SIK2: variants seen among roughly 807,000 people sequenced by gnomAD.
The protein encoded by SIK2 is salt inducible kinase 2, also known as serine/threonine-protein kinase SIK2.
In SIK2, 29 loss-of-function variants were observed where a neutral mutation model predicts 103.2. That is an observed-to-expected ratio of 0.28 (90% CI 0.21 to 0.38). SIK2 has a LOEUF of 0.38. Among genes scored for constraint, SIK2 ranks in the 10% least tolerant of loss-of-function variants. The probability of loss-of-function intolerance (pLI) is 1.00; values close to 1 mark genes in which losing one functional copy is unlikely to be tolerated. For missense variants in SIK2, 879 were observed against 1,171.0 expected (o/e 0.75, Z 3.64); for synonymous variants, 412 against 446.1 (o/e 0.92, Z 0.96).
intron 3 of SIK2, among the ~76,000 whole-genome samples, chr11:111,634,945 A>G (rs1565321591): frequency 6.6e-6 from 1 of 152,242 alleles, no homozygotes; most frequent in Admixed American, 6.5e-5. Context: ...TGTTGAATGC[A>G]TGCAGATGAA....
chr11:111,672,293 A>C, intron 3 of SIK2: 1 of 409,882 alleles, frequency 2.4e-6, no homozygotes, highest in Non-Finnish European at 4.4e-6. Context: ...CACCAGGAGA[A>C]GCTCAAGGAG....
At chr11:111,661,564 T>C (rs1333126789) in intron 3 of SIK2, among the ~76,000 whole-genome samples, 2 of 152,258 alleles carry the variant, frequency 1.3e-5, no homozygotes, top group Admixed American at 1.3e-4. Flanking sequence ...TTCTTCTGGG[T>C]ATTTACACTG....
At chr11:111,610,486 T>TAAAA (rs373176733) in intron 1 of SIK2, among the ~76,000 whole-genome samples, 4 of 108,530 alleles carry the variant, frequency 3.7e-5, no homozygotes, top group African/African-American at 1.0e-4. Context: ...AGACTCTGTC[T>TAAAA]AAAAAAAAAA....
rs758453745 is a variant in SIK2 at position 111,723,814 on chromosome 11, G to A, written c.2466G>A (p.Gln822=). The A allele has an allele frequency of 1.1e-5, 18 of 1,612,550 alleles. No individual in the cohort carries two copies. The highest frequency in any genetic ancestry group is 1.5e-5 in the Non-Finnish European group (18 of 1,179,832). The change falls in exon 15 of 15, where the codon CAG becomes CAA. Residue 822 remains glutamine (Q), a synonymous_variant. Transcript: ENST00000304987. ...PPLPTQLQQQ[Q]PPPPPPPPPP... ...TGCCCACGCAGCTACAGCAGCAGCA[G>A]CCGCCACCGCCACCACCCCCTCCAC...
At chr11:111,681,259 T>G (rs1048241213) in intron 3 of SIK2, among the ~76,000 whole-genome samples, 4 of 152,198 alleles carry the variant, frequency 2.6e-5, no homozygotes, top group African/African-American at 9.6e-5. Context: ...TATGTGCATG[T>G]GTATCTATGT....
intron 9 of SIK2, among the ~76,000 whole-genome samples, chr11:111,713,397 T>C (rs1345995372): frequency 6.6e-6 from 1 of 152,156 alleles, no homozygotes; most frequent in Non-Finnish European, 1.5e-5. Flanking sequence ...AGTGTGAACT[T>C]GGGCCACGTA....
Position 111,672,707 on chromosome 11 carries a change from T to A in SIK2, c.317-15294T>A, listed in dbSNP as rs75607657. 9.3e-3 allele frequency among the ~76,000 whole-genome samples: 1,413 copies of A among 152,276 alleles called. 14 individuals carry two copies. Among genetic ancestry groups the A allele is most frequent in the Non-Finnish European group, 0.014 (963 of 68,016 alleles). ...TAGTCAGAAAACTCTTACTCTGAAATCTGTAGAAACAACACCTTCAAGAGG... is the reference window on the plus strand; with the variant it reads ...TAGTCAGAAAACTCTTACTCTGAAAACTGTAGAAACAACACCTTCAAGAGG... On this transcript the variant is annotated intron_variant, in intron 3 of 14. Coordinates refer to ENST00000304987, the MANE Select transcript of SIK2 (RefSeq NM_015191.3).
chr11:111,606,324 A>G (rs1438520707), intron 1 of SIK2, among the ~76,000 whole-genome samples: 1 of 152,084 alleles, frequency 6.6e-6, no homozygotes, highest in African/African-American at 2.4e-5. Flanking sequence ...ATAAAAAATA[A>G]GAGTATAGTG....
chr11:111,650,272 G>C (rs1942310798), intron 3 of SIK2, among the ~76,000 whole-genome samples: 1 of 150,976 alleles, frequency 6.6e-6, no homozygotes, highest in Non-Finnish European at 1.5e-5. Context: ...TGAACTTTCT[G>C]AAAAAACGGA....
intron 3 of SIK2, among the ~76,000 whole-genome samples, chr11:111,621,347 G>T (rs1404048508): frequency 6.6e-6 from 1 of 152,080 alleles, no homozygotes; most frequent in African/African-American, 2.4e-5. Context: ...AATCATACAG[G>T]ATATATTCTT....
At chr11:111,671,566 C>T in intron 3 of SIK2, 2 of 326,274 alleles carry the variant, frequency 6.1e-6, no homozygotes, top group Non-Finnish European at 1.2e-5. Flanking sequence ...CTTGGCCTGG[C>T]TGTGATTGGA....
chr11:111,695,176 G>A (rs913373343), intron 4 of SIK2, among the ~76,000 whole-genome samples: 7 of 152,102 alleles, frequency 4.6e-5, no homozygotes, highest in Non-Finnish European at 8.8e-5. Flanking sequence ...TAATTACAAA[G>A]GATGTGTAAC....
intron 3 of SIK2, among the ~76,000 whole-genome samples, chr11:111,644,675 T>C (rs372430097): frequency 2.8e-4 from 43 of 152,318 alleles, no homozygotes; most frequent in African/African-American, 9.9e-4. Flanking sequence ...GAAACTGTTA[T>C]GAAGTTTTGC....
chr11:111,612,900 A>G (rs1244596131), intron 1 of SIK2, among the ~76,000 whole-genome samples: 1 of 141,174 alleles, frequency 7.1e-6, no homozygotes, highest in Admixed American at 7.1e-5. Context: ...CCTTAGAAAC[A>G]AGGGATAGCA....
In SIK2 at chr11:111,705,567, T is replaced by G. The variant is rs986261779; in HGVS notation, c.1101+428T>G. Among the ~76,000 whole-genome samples the G allele has an allele frequency of 2.0e-5, 3 of 152,000 alleles. No homozygotes were observed. Among genetic ancestry groups the G allele is most frequent in the East Asian group, 3.9e-4 (2 of 5,168 alleles). On this transcript the variant is annotated intron_variant, in intron 8 of 14. Transcript: ENST00000304987. The surrounding 1 kb of genome is among the most constrained non-coding windows in gnomAD (Gnocchi z 4.3). The stretch of plus-strand genomic sequence containing the variant: ...AACCATCATTCAAAATAGGGAAAGA[T>G]GAGAGCTGTAGCAGAGCAGGGACAG...
rs146159588 is a variant in SIK2, at chr11:111,663,494, G to C, written c.317-24507G>C. Among the ~76,000 whole-genome samples the C allele has an allele frequency of 2.2e-4, 33 of 152,228 alleles. No individual in the cohort carries two copies. In the East Asian group the frequency reaches 6.2e-3, roughly 29 times the overall value. ...GACAGGATATGGTTGAGATCACATG[G>C]GGTCTAATAGACCATGGTAGAGACT... On this transcript the variant is annotated intron_variant, in intron 3 of 14. Coordinates refer to ENST00000304987, the MANE Select transcript of SIK2 (RefSeq NM_015191.3).
intron 4 of SIK2, among the ~76,000 whole-genome samples, chr11:111,699,861 A>G (rs1943169292): frequency 6.6e-6 from 1 of 152,218 alleles, no homozygotes; most frequent in African/African-American, 2.4e-5. Context: ...AATCCAGTCA[A>G]TCTGTCTGGC....
chr11:111,693,043 C>CT (rs1942984691), intron 4 of SIK2, among the ~76,000 whole-genome samples: 1 of 152,068 alleles, frequency 6.6e-6, no homozygotes, highest in Admixed American at 6.6e-5. Context: ...TGGGTAAAAA[C>CT]TTGAGACAGG....
intron 3 of SIK2, among the ~76,000 whole-genome samples, chr11:111,663,860 A>T (rs1431771143): frequency 6.6e-6 from 1 of 152,170 alleles, no homozygotes; most frequent in Non-Finnish European, 1.5e-5. Context: ...TTGGGAATGG[A>T]TAGAGTTATT....
Sources: allele counts gnomAD v4.1 joint callset (sites outside exome capture counted in the v4.1 genomes callset), GRCh38; gene constraint gnomAD v4.1.1; non-coding constraint Gnocchi (gnomAD v3.1); transcripts MANE v1.5; gene names NCBI Gene and HGNC (gene_info 2026-07-23, HGNC 2026-07-21).